The following PPP4R2 variants were observed in gnomAD, a reference collection of about 807,000 sequenced individuals.
PPP4R2 encodes the protein serine/threonine-protein phosphatase 4 regulatory subunit 2.
Under a neutral mutation model 47.2 loss-of-function variants are expected in PPP4R2, and 13 were observed. That is an observed-to-expected ratio of 0.28 (90% CI 0.18 to 0.44). The LOEUF is 0.44. PPP4R2 is among the 20% of genes least tolerant of loss of function. The pLI, the probability that PPP4R2 is intolerant of heterozygous loss-of-function variation, is 1.00. For synonymous variants in PPP4R2, 151 were observed against 163.3 expected, an observed-to-expected ratio of 0.92 and a Z score of 0.57; for missense variants, 421 against 491.2, an observed-to-expected ratio of 0.86 and a Z score of 1.35.
At chr3:73,002,634 C>CTTCTTTTTTTT (rs1701498079) in intron 2 of PPP4R2, among the ~76,000 whole-genome samples, 1 of 41,166 alleles carries the variant, frequency 2.4e-5, no homozygotes, top group Non-Finnish European at 4.3e-5. Flanking sequence ...CTTTTCTTTT[C>CTTCTTTTTTTT]TTTTTTTTTT....
rs1038815088 is a variant in PPP4R2, at chr3:73,063,068, G to T, written c.420-605G>T. The stretch of plus-strand genomic sequence containing the variant: ...TTGGGGAAATATTTTGAGTTTGGGG[G>T]TGTACTTTGCCACCCCATTATTGGG... On this transcript the variant is annotated intron_variant, in intron 5 of 8. Coordinates refer to ENST00000356692, the MANE Select transcript of PPP4R2 (RefSeq NM_174907.4). 4 of 684,572 alleles carry T rather than the reference G, an allele frequency of 5.8e-6. No individual in the cohort carries two copies. The Admixed American group carries it at 9.9e-5, about 17-fold the overall frequency. The allele number at this position is 684,572 out of a possible 1,614,324, so 42.4% of individuals were successfully genotyped here.
At chr3:73,002,587 A>G (rs564111478) in intron 2 of PPP4R2, among the ~76,000 whole-genome samples, 25 of 147,962 alleles carry the variant, frequency 1.7e-4, no homozygotes, top group African/African-American at 5.8e-4. Flanking sequence ...TGCAGTAAAC[A>G]TGGGAGTGCA....
intron 2 of PPP4R2, among the ~76,000 whole-genome samples, chr3:72,999,344 A>G (rs901719584): frequency 6.9e-4 from 105 of 152,374 alleles, no homozygotes; most frequent in African/African-American, 2.5e-3. Context: ...GCTTATATAG[A>G]TAAGCCTAAA....
At chr3:73,032,828 A>G (rs1307655801) in intron 2 of PPP4R2, among the ~76,000 whole-genome samples, 2 of 152,286 alleles carry the variant, frequency 1.3e-5, no homozygotes, top group African/African-American at 4.8e-5. Context: ...TGTCTCTGTT[A>G]ATGCTATTTT....
At chr3:73,039,755 T>G (rs781236809) in intron 2 of PPP4R2, among the ~76,000 whole-genome samples, 3 of 151,974 alleles carry the variant, frequency 2.0e-5, no homozygotes, top group Non-Finnish European at 4.4e-5. Flanking sequence ...CTATCCAACT[T>G]GAAAATGTCA....
In PPP4R2 at chr3:72,999,934, A is replaced by G. The variant is rs140226615; in HGVS notation, c.116+1776A>G. ...TTTGATTTCTTTTTATCAACATGGC[A>G]TATCTTTGATACTGACATTTGCAGA... is the stretch of plus-strand genomic sequence containing the variant. On this transcript the variant is annotated intron_variant, in intron 2 of 8. Coordinates refer to ENST00000356692, the MANE Select transcript of PPP4R2 (RefSeq NM_174907.4). 4.7e-3 allele frequency among the ~76,000 whole-genome samples: 717 copies of G among 152,356 alleles called. 4 individuals are homozygous for G. The highest frequency in any genetic ancestry group is 0.016 in the African/African-American group (678 of 41,572).
Position 73,066,379 on chromosome 3 carries a change from C to G in PPP4R2, c.*657C>G, listed in dbSNP as rs1281459690. ...TTTCAGAAGACATTTTCTTTCTCTT[C>G]TGAGTAATTGAAATAAAATCTGGCC... On this transcript the variant is annotated 3_prime_UTR_variant, in exon 9 of 9. Transcript: ENST00000356692. 2 of 151,564 alleles carry G rather than the reference C, an allele frequency of 1.3e-5. No individual in the cohort carries two copies. The highest frequency in any genetic ancestry group is 2.9e-5 in the Non-Finnish European group (2 of 67,840). The allele number at this position is 151,564 out of a possible 1,614,324, so 9.4% of individuals were successfully genotyped here. A position where few individuals can be genotyped will look rare whatever the true frequency, so the allele number is the denominator to read the frequency against.
At chr3:73,062,415 G>GA (rs1198246416) in intron 5 of PPP4R2, 1 of 1,611,146 alleles carries the variant, frequency 6.2e-7, no homozygotes, top group Non-Finnish European at 8.5e-7. Context: ...GTCTATGCTA[G>GA]ACCCAGCACA....
intron 3 of PPP4R2, among the ~76,000 whole-genome samples, chr3:73,051,661 C>G (rs1702615388): frequency 6.6e-6 from 1 of 152,140 alleles, no homozygotes; most frequent in Non-Finnish European, 1.5e-5. Context: ...GAGTCTCGCT[C>G]TTTGCCCAGG....
chr3:73,047,375 T>C lies in PPP4R2; in HGVS notation c.287+19T>C. ...TTAATGGGTATGCACTTAATACTGT[T>C]TTAAAGATTTAATTTTTAGCAGAAG... On this transcript the variant is annotated intron_variant, in intron 3 of 8. Transcript: ENST00000356692. The C allele has an allele frequency of 6.8e-7, 1 of 1,478,530 alleles. No individual in the cohort carries two copies. Among genetic ancestry groups the C allele is most frequent in the Admixed American group, 2.2e-5 (1 of 45,224 alleles). The allele number at this position is 1,478,530 out of a possible 1,614,324, so 91.6% of individuals were successfully genotyped here.
At chr3:73,041,253 A>G (rs1340634275) in intron 2 of PPP4R2, among the ~76,000 whole-genome samples, 1 of 152,174 alleles carries the variant, frequency 6.6e-6, no homozygotes, top group East Asian at 1.9e-4. Flanking sequence ...ACAAGATGTA[A>G]TATGATGTGG....
rs772457593 is a variant in PPP4R2, at chr3:73,062,371, T to C, written c.420-1302T>C. 1.2e-5 allele frequency: 19 copies of C among 1,606,982 alleles called. No individual in the cohort carries two copies. The South Asian group carries it at 1.4e-4, about 12-fold the overall frequency. ...GATGCATTGGAACCCCAACCCAGCA[T>C]TGGGGATATTAAGGACATTAAAAAA... On this transcript the variant is annotated intron_variant, in intron 5 of 8. Transcript: ENST00000356692.
chr3:73,022,811 G>A (rs1369760791), intron 2 of PPP4R2, among the ~76,000 whole-genome samples: 1 of 148,394 alleles, frequency 6.7e-6, no homozygotes, highest in Non-Finnish European at 1.5e-5. Context: ...TACAGTTGAT[G>A]CTGACTTATA....
At chr3:73,039,790 C>T (rs1447032707) in intron 2 of PPP4R2, among the ~76,000 whole-genome samples, 3 of 152,140 alleles carry the variant, frequency 2.0e-5, no homozygotes, top group Admixed American at 2.0e-4. Flanking sequence ...TGGTGGCTCA[C>T]GTCTGTAATC....
At chr3:73,022,740 C>T (rs187612743) in intron 2 of PPP4R2, among the ~76,000 whole-genome samples, 29 of 150,620 alleles carry the variant, frequency 1.9e-4, no homozygotes, top group African/African-American at 6.6e-4. Context: ...ACATCAATAG[C>T]GACCTAGAAT....
intron 3 of PPP4R2, among the ~76,000 whole-genome samples, chr3:73,058,696 T>G (rs1170263680): frequency 6.6e-6 from 1 of 152,116 alleles, no homozygotes; most frequent in Admixed American, 6.5e-5. Context: ...TATTTTAAAA[T>G]GTACGATAAA....
At chr3:73,038,545 GCCACCAAGCCTGGC>G (rs1702312211) in intron 2 of PPP4R2, among the ~76,000 whole-genome samples, 1 of 151,930 alleles carries the variant, frequency 6.6e-6, no homozygotes, top group African/African-American at 2.4e-5. Context: ...ACAGGTGCGT[GCCACCAAGCCTGGC>G]TAATTTTTGT....
At chr3:72,997,441 A>T in intron 1 of PPP4R2, 14 of 169,956 alleles carry the variant, frequency 8.2e-5, no homozygotes, top group Non-Finnish European at 1.4e-4. Context: ...TGGGAGAAAA[A>T]GTAAACGGTT....
At chr3:73,056,299 AG>A (rs1702730456) in intron 3 of PPP4R2, among the ~76,000 whole-genome samples, 1 of 86,886 alleles carries the variant, frequency 1.2e-5, no homozygotes, top group Non-Finnish European at 3.6e-5. Context: ...CTTTTTATAC[AG>A]TGTTGTTATT....
Sources: allele counts gnomAD v4.1 joint callset (sites outside exome capture counted in the v4.1 genomes callset), GRCh38; gene constraint gnomAD v4.1.1; transcripts MANE v1.5; gene names NCBI Gene and HGNC (gene_info 2026-07-23, HGNC 2026-07-21).